BICC1: variants seen among roughly 807,000 people sequenced by gnomAD.
BICC1 encodes the protein BicC family RNA binding protein 1, also known as protein bicaudal C homolog 1.
A neutral mutation model predicts 111.0 loss-of-function variants in BICC1; 43 were observed. That is an observed-to-expected ratio of 0.39 (90% CI 0.30 to 0.50). BICC1 has a LOEUF of 0.50. Ranked by LOEUF, BICC1 falls within the 20% of genes least tolerant of loss-of-function variation. The pLI is 0.88. For synonymous variants in BICC1, 467 were observed against 434.4 expected, an observed-to-expected ratio of 1.07 and a Z score of -0.93; for missense variants, 1,091 against 1,203.2, an observed-to-expected ratio of 0.91 and a Z score of 1.38.
intron 2 of BICC1, among the ~76,000 whole-genome samples, chr10:58,699,564 A>G (rs1840167466): frequency 6.6e-6 from 1 of 152,222 alleles, no homozygotes; most frequent in African/African-American, 2.4e-5. Flanking sequence ...GTATCATAAT[A>G]TGGCCCTTGA....
chr10:58,751,094 T>C (rs1841979132), intron 3 of BICC1, among the ~76,000 whole-genome samples: 1 of 152,112 alleles, frequency 6.6e-6, no homozygotes, highest in Non-Finnish European at 1.5e-5. Context: ...CCCAAATCAA[T>C]AGCCATAGAA....
At chr10:58,626,241 A>G (rs1434429694) in intron 2 of BICC1, among the ~76,000 whole-genome samples, 2 of 152,176 alleles carry the variant, frequency 1.3e-5, no homozygotes, top group Non-Finnish European at 2.9e-5. Flanking sequence ...GTGCGTCATT[A>G]CTAATGAAAA....
chr10:58,748,728 C>T (rs1052579777), intron 3 of BICC1, among the ~76,000 whole-genome samples: 1 of 152,082 alleles, frequency 6.6e-6, no homozygotes, highest in Non-Finnish European at 1.5e-5. Flanking sequence ...TTCTCAAACT[C>T]GAATGTTCGT....
chr10:58,637,024 A>T (rs557866587), intron 2 of BICC1, among the ~76,000 whole-genome samples: 2 of 152,080 alleles, frequency 1.3e-5, no homozygotes, highest in Non-Finnish European at 2.9e-5. Flanking sequence ...AAAAAACCAC[A>T]CACAGTTCTA....
At chr10:58,553,995 A>AT in intron 1 of BICC1, among the ~76,000 whole-genome samples, 1 of 152,276 alleles carries the variant, frequency 6.6e-6, no homozygotes, top group Non-Finnish European at 1.5e-5. Context: ...TTATGTTTCA[A>AT]TTTATACTAT....
intron 1 of BICC1, among the ~76,000 whole-genome samples, chr10:58,538,246 A>G (rs1315495530): frequency 6.6e-6 from 1 of 152,048 alleles, no homozygotes; most frequent in African/African-American, 2.4e-5. Context: ...TATAGTTACC[A>G]AAACAGTATG....
At chr10:58,568,678 T>G (rs985068622) in intron 1 of BICC1, among the ~76,000 whole-genome samples, 11 of 152,124 alleles carry the variant, frequency 7.2e-5, no homozygotes, top group Middle Eastern at 3.2e-3. Context: ...GGTTTTTAGG[T>G]AAGGATTGGT....
chr10:58,695,066 A>G (rs1840028668), intron 2 of BICC1, among the ~76,000 whole-genome samples: 1 of 152,196 alleles, frequency 6.6e-6, no homozygotes, highest in African/African-American at 2.4e-5. Context: ...CTGATTTACA[A>G]ATTATTGTGA....
chr10:58,712,978 ACAGCATTTTTAT>A (rs1161824161), intron 3 of BICC1, among the ~76,000 whole-genome samples: 3 of 152,258 alleles, frequency 2.0e-5, no homozygotes, highest in African/African-American at 7.2e-5. Flanking sequence ...GATACTAGAC[ACAGCATTTTTAT>A]CAGCATTTTA....
Position 58,793,586 on chromosome 10 carries a change from A to G in BICC1, c.1150A>G (p.Ile384Val), listed in dbSNP as rs565241242. ...LMEQLDVFIS[I>V]KPKPKQPSKS... Reference sequence around the variant, plus strand: ...GGAACAGCTTGATGTCTTCATCAGTATTAAACCAAAGCCCAAACAGCCAAG... The same window carrying G: ...GGAACAGCTTGATGTCTTCATCAGTGTTAAACCAAAGCCCAAACAGCCAAG... The change falls in exon 9 of 21, where the codon ATT becomes GTT. Residue 384 changes from isoleucine (I) to valine (V), a missense_variant. Physicochemically the swap from Ile to Val is conservative, Grantham distance 29. Transcript: ENST00000373886. The G allele has an allele frequency of 5.5e-5, 88 of 1,613,902 alleles. No individual in the cohort carries two copies. The South Asian group carries it at 7.9e-4, about 15-fold the overall frequency.
In BICC1 at chr10:58,789,695, T is replaced by G. The variant is rs1288007844; in HGVS notation, c.809T>G (p.Met270Arg). 7 of 1,614,064 alleles carry G rather than the reference T, an allele frequency of 4.3e-6. No homozygotes were observed. Among genetic ancestry groups the G allele is most frequent in the Non-Finnish European group, 5.9e-6 (7 of 1,180,032 alleles). ...NTSAVKEGTAMLLEHLAGSLA... is the reference protein window; with the variant it reads ...NTSAVKEGTARLLEHLAGSLA... ...CTTTTCTCTTAGGAAGGAACTGCCA[T>G]GCTGTTAGAACATCTTGCTGGGAGC... is the stretch of plus-strand genomic sequence containing the variant. The change falls in exon 8 of 21, where the codon ATG (methionine) becomes AGG (arginine). Residue 270 changes from methionine to arginine, a missense_variant. Physicochemically the swap from Met to Arg is moderately conservative, Grantham distance 91. Coordinates refer to ENST00000373886, the MANE Select transcript of BICC1 (RefSeq NM_001080512.3).
intron 1 of BICC1, among the ~76,000 whole-genome samples, chr10:58,526,567 A>C (rs1289184292): frequency 1.4e-5 from 2 of 145,682 alleles, no homozygotes; most frequent in Non-Finnish European, 3.1e-5. Context: ...TCCTAATGCT[A>C]TCCCTCCCTG....
intron 1 of BICC1, among the ~76,000 whole-genome samples, chr10:58,515,684 G>A (rs565077112): frequency 6.6e-6 from 1 of 152,278 alleles, no homozygotes; most frequent in Non-Finnish European, 1.5e-5. Flanking sequence ...TCAAAACTCT[G>A]TAGGATCTCA....
At chr10:58,704,930 T>C (rs1255359430) in intron 3 of BICC1, among the ~76,000 whole-genome samples, 5 of 152,244 alleles carry the variant, frequency 3.3e-5, no homozygotes, top group Non-Finnish European at 7.3e-5. Context: ...CTTACTGGAA[T>C]TTAGTCCTGT....
intron 2 of BICC1, among the ~76,000 whole-genome samples, chr10:58,621,146 G>A (rs1010171681): frequency 1.3e-5 from 2 of 152,204 alleles, no homozygotes; most frequent in Non-Finnish European, 2.9e-5. Context: ...TAAGCAAAAT[G>A]TAAGAGGGCT....
intron 5 of BICC1, among the ~76,000 whole-genome samples, chr10:58,788,156 G>C (rs1032251461): frequency 6.6e-6 from 1 of 152,092 alleles, no homozygotes. Context: ...CAGATCAGTT[G>C]ACACAAATTA....
At chr10:58,523,280 T>A (rs1842440976) in intron 1 of BICC1, among the ~76,000 whole-genome samples, 1 of 152,186 alleles carries the variant, frequency 6.6e-6, no homozygotes, top group South Asian at 2.1e-4. Flanking sequence ...ATATCCCTGA[T>A]GAACATCGAT....
chr10:58,807,493 A>C (rs976893772), intron 17 of BICC1, among the ~76,000 whole-genome samples: 7 of 152,192 alleles, frequency 4.6e-5, no homozygotes, highest in African/African-American at 1.7e-4. Flanking sequence ...ATGTCTAAAG[A>C]GTCCTATTAT....
rs191885073 is a variant in BICC1 at position 58,717,739 on chromosome 10, G to A, written c.307+15596G>A. The stretch of plus-strand genomic sequence containing the variant: ...TACTTTTACACATTTTTTATGTTGC[G>A]TAAATTCTTAAAAGTAGAATTTTTA... On this transcript the variant is annotated intron_variant, in intron 3 of 20. Transcript: ENST00000373886. 6.8e-4 allele frequency among the ~76,000 whole-genome samples: 103 copies of A among 152,134 alleles called. 1 individual carries two copies. Among genetic ancestry groups the A allele is most frequent in the Middle Eastern group, 3.4e-3 (1 of 294 alleles).
Sources: gnomAD v4.1 joint callset for allele counts (sites outside exome capture counted in the v4.1 genomes callset) on GRCh38, gnomAD v4.1.1 for gene constraint, MANE v1.5 for transcripts, NCBI Gene and HGNC (gene_info 2026-07-23, HGNC 2026-07-21) for gene names.